PCDH11X: variants seen among roughly 807,000 people sequenced by gnomAD.
PCDH11X encodes protocadherin-11 X-linked.
A neutral mutation model predicts 53.3 loss-of-function variants in PCDH11X; 18 were observed. The observed-to-expected ratio is 0.34, with a 90% CI of 0.23 to 0.50. The LOEUF is 0.50. Ranked by LOEUF, PCDH11X falls within the 20% of genes least tolerant of loss-of-function variation. The probability of loss-of-function intolerance (pLI) is 0.98; values close to 1 mark genes in which losing one functional copy is unlikely to be tolerated. For synonymous variants in PCDH11X, 279 were observed against 393.3 expected, an observed-to-expected ratio of 0.71 and a Z score of 3.44; for missense variants, 570 against 1,032.4, an observed-to-expected ratio of 0.55 and a Z score of 6.14.
At chrX:92,598,539 G>A in intron 10 of PCDH11X, among the ~76,000 whole-genome samples, 1 of 99,525 alleles carries the variant, frequency 1.0e-5, no homozygotes, top group South Asian at 4.7e-4. Context: ...TTATCTAAAA[G>A]ACAGGGAATA....
intron 8 of PCDH11X, among the ~76,000 whole-genome samples, chrX:92,290,572 G>A (rs1285307348): frequency 8.9e-6 from 1 of 112,329 alleles, no homozygotes; most frequent in Non-Finnish European, 1.9e-5. Context: ...GGAAAATCAA[G>A]TGTTTGAAGA....
intron 7 of PCDH11X, among the ~76,000 whole-genome samples, chrX:92,248,651 G>A (rs1363073265): frequency 2.7e-5 from 3 of 111,449 alleles, no homozygotes; most frequent in Admixed American, 1.9e-4. Context: ...ACTCTACTGT[G>A]CTATCAAACA....
rs1442712430 is a variant in PCDH11X, at chrX:92,562,820, T to G, written c.3368-55444T>G. Among the ~76,000 whole-genome samples, 29 of 110,200 alleles carry G rather than the reference T, an allele frequency of 2.6e-4. No individual in the cohort carries two copies. In the East Asian group the frequency reaches 7.8e-3, roughly 30 times the overall value. On this transcript the variant is annotated intron_variant, in intron 10 of 10. Coordinates refer to ENST00000682573, the MANE Select transcript of PCDH11X (RefSeq NM_032968.5). The stretch of plus-strand genomic sequence containing the variant: ...ACCTTGGCTCCATTTCCCAATAAGT[T>G]TCTCATTTCCATCTGAGATCTCCTC...
intron 6 of PCDH11X, among the ~76,000 whole-genome samples, chrX:92,089,496 C>T (rs1288144742): frequency 2.7e-5 from 3 of 111,572 alleles, no homozygotes; most frequent in Non-Finnish European, 3.8e-5. Flanking sequence ...AGAATGGGGC[C>T]ATAACTACCA....
chrX:92,110,703 T>C (rs986361370), intron 6 of PCDH11X, among the ~76,000 whole-genome samples: 17 of 111,131 alleles, frequency 1.5e-4, no homozygotes, highest in Non-Finnish European at 3.0e-4. Flanking sequence ...TTTTAACAGC[T>C]GGCCAGGAAT....
intron 6 of PCDH11X, among the ~76,000 whole-genome samples, chrX:92,072,485 A>G (rs888773000): frequency 5.4e-5 from 6 of 111,304 alleles, no homozygotes; most frequent in African/African-American, 1.3e-4. Flanking sequence ...TCAGAGCCCA[A>G]GGGCTCTTCA....
At chrX:92,255,417 G>A (rs1417671708) in intron 7 of PCDH11X, among the ~76,000 whole-genome samples, 18 of 104,420 alleles carry the variant, frequency 1.7e-4, no homozygotes, top group African/African-American at 5.3e-4. Context: ...TAATTTGATC[G>A]TCTGAAGCCT....
chrX:92,384,820 C>A (rs1603296540), intron 8 of PCDH11X, among the ~76,000 whole-genome samples: 1 of 104,064 alleles, frequency 9.6e-6, no homozygotes, highest in Non-Finnish European at 2.0e-5. Context: ...AGCTGCATGA[C>A]TCCTAAACCA....
chrX:92,527,231 A>G (rs1230206957), intron 10 of PCDH11X, among the ~76,000 whole-genome samples: 1 of 111,480 alleles, frequency 9.0e-6, no homozygotes, highest in Admixed American at 9.6e-5. Flanking sequence ...ATAATCAATA[A>G]TAACTTAATT....
At position 92,458,919 on chromosome X, in the gene PCDH11X, G is replaced by A. The variant is rs765809807; in HGVS notation, c.3344-9380G>A. Among the ~76,000 whole-genome samples, 19 of 110,570 alleles carry A rather than the reference G, an allele frequency of 1.7e-4. No homozygotes were observed. The South Asian group carries it at 7.4e-3, about 43-fold the overall frequency. On this transcript the variant is annotated intron_variant, in intron 9 of 10. Coordinates refer to ENST00000682573, the MANE Select transcript of PCDH11X (RefSeq NM_032968.5). The stretch of plus-strand genomic sequence containing the variant: ...AACAGTGGAATTGCTGGATCATATG[G>A]TGGGTCTAATTTTAGTTTTTTGAGG...
At chrX:92,004,315 G>C (rs1306481375) in intron 6 of PCDH11X, among the ~76,000 whole-genome samples, 1 of 111,207 alleles carries the variant, frequency 9.0e-6, no homozygotes, top group Non-Finnish European at 1.9e-5. Flanking sequence ...ATCTATCCTT[G>C]AGAATGATCC....
chrX:92,338,822 G>T (rs1276557314), intron 8 of PCDH11X, among the ~76,000 whole-genome samples: 1 of 111,768 alleles, frequency 8.9e-6, no homozygotes, highest in Non-Finnish European at 1.9e-5. Flanking sequence ...TATATACCTT[G>T]CTTCTTCTCT....
At chrX:92,120,835 G>A (rs762510308) in intron 6 of PCDH11X, among the ~76,000 whole-genome samples, 1 of 111,287 alleles carries the variant, frequency 9.0e-6, no homozygotes, top group African/African-American at 3.3e-5. Context: ...TAATAGCATA[G>A]GGTTCTCCAA....
At chrX:92,040,676 GC>G (rs1023103756) in intron 6 of PCDH11X, among the ~76,000 whole-genome samples, 1 of 109,896 alleles carries the variant, frequency 9.1e-6, no homozygotes, top group African/African-American at 3.4e-5. Flanking sequence ...TTATGACATT[GC>G]TTTTTGTGTG....
intron 6 of PCDH11X, among the ~76,000 whole-genome samples, chrX:92,134,459 A>G (rs1359665182): frequency 9.0e-6 from 1 of 110,686 alleles, no homozygotes; most frequent in Admixed American, 9.8e-5. Flanking sequence ...AATTACTTTG[A>G]CAATACGTTT....
intron 1 of PCDH11X, 100 bp downstream of exon 1, chrX:91,779,784 G>A (rs1368000296): frequency 9.5e-6 from 1 of 105,173 alleles, no homozygotes; most frequent in African/African-American, 3.5e-5. Flanking sequence ...CCTGAGGTCT[G>A]AACTATGACA....
chrX:92,266,747 T>TC (rs2148420662), intron 8 of PCDH11X, among the ~76,000 whole-genome samples: 1 of 109,527 alleles, frequency 9.1e-6, no homozygotes, highest in South Asian at 4.0e-4. Flanking sequence ...TATTTTCTTT[T>TC]TTTTTTTTTT....
chrX:92,504,362 T>C lies in PCDH11X; in HGVS notation c.3367+36040T>C, dbSNP rs1212857563. Among the ~76,000 whole-genome samples the C allele has an allele frequency of 2.8e-5, 3 of 108,760 alleles. 1 individual carries two copies. The highest frequency in any genetic ancestry group is 8.8e-3 in the Middle Eastern group (2 of 228). The allele number at this position is 108,760 out of a possible 115,157, so 94.4% of individuals were successfully genotyped here. On this transcript the variant is annotated intron_variant, in intron 10 of 10. Transcript: ENST00000682573. ...CTTACTTGTAAGTGAGAACATGTGGTATTTGGTTTCCTGTTCCTGCATTAG... is the reference window on the plus strand; with the variant it reads ...CTTACTTGTAAGTGAGAACATGTGGCATTTGGTTTCCTGTTCCTGCATTAG...
At chrX:92,070,292 C>T (rs967687654) in intron 6 of PCDH11X, among the ~76,000 whole-genome samples, 3 of 111,583 alleles carry the variant, frequency 2.7e-5, no homozygotes, top group African/African-American at 9.8e-5. Flanking sequence ...CAAGTGATTT[C>T]TTCTTGCTCA....
Sources: allele counts gnomAD v4.1 joint callset (sites outside exome capture counted in the v4.1 genomes callset), GRCh38; gene constraint gnomAD v4.1.1; transcripts MANE v1.5; gene names NCBI Gene and HGNC (gene_info 2026-07-23, HGNC 2026-07-21).